EMC9: variants seen among roughly 807,000 people sequenced by gnomAD.
EMC9 encodes ER membrane protein complex subunit 9, also known as UPF0172 protein FAM158A.
EMC9 carries 20 observed loss-of-function variants against 25.0 expected under a neutral mutation model. The ratio of observed to expected loss-of-function variants is 0.80; its 90% CI spans 0.56 to 1.16. EMC9 has a LOEUF of 1.16. Among genes scored for constraint, EMC9 ranks in the 50% most tolerant of loss-of-function variants. The pLI, the probability that EMC9 is intolerant of heterozygous loss-of-function variation, is 0.00. For missense variants in EMC9, 256 were observed against 268.7 expected (o/e 0.95, Z 0.33); for synonymous variants, 100 against 107.0 (o/e 0.93, Z 0.40).
chr14:24,140,795 G>GCCCCCC, intron 3 of EMC9, 94 bp downstream of exon 3: 4 of 1,030,702 alleles, frequency 3.9e-6, no homozygotes, highest in Non-Finnish European at 5.9e-6. Context: ...GTGCGCCCCC[G>GCCCCCC]CCCCGCCCAC....
At position 24,139,508 on chromosome 14, in the gene EMC9, T is replaced by G; in HGVS notation, c.345+37A>C. 1 of 1,613,026 alleles carries G rather than the reference T, an allele frequency of 6.2e-7. No individual in the cohort carries two copies. ...GTTTCAAGGGTCCCCCCACCCTACT[T>G]GCTTTTCACCTCCCCACCCAGAAAC... On this transcript the variant is annotated intron_variant, in intron 4 of 5. Transcript: ENST00000216799. The surrounding 1 kb of genome is among the most constrained non-coding windows in gnomAD (Gnocchi z 4.6).
Position 24,139,379 on chromosome 14 carries a change from C to T in EMC9, c.421G>A (p.Val141Ile). 3 of 1,614,102 alleles carry T rather than the reference C, an allele frequency of 1.9e-6. No homozygotes were observed. The highest frequency in any genetic ancestry group is 2.5e-6 in the Non-Finnish European group (3 of 1,180,018). ...IVLENQGLRW[V>I]PKDKNLVMWR... ...ACTCACAAGTTCTTATCCTTAGGGA[C>T]CCAGCGGAGACCTTGGTTCTCCAGG... The change falls in exon 5 of 6, where the codon GTC becomes ATC. Residue 141 changes from valine to isoleucine, a missense_variant. By Grantham distance (29) the Val-to-Ile change is conservative. Coordinates refer to ENST00000216799, the MANE Select transcript of EMC9 (RefSeq NM_016049.4). The surrounding 1 kb of genome is among the most constrained non-coding windows in gnomAD (Gnocchi z 4.6).
In EMC9 at chr14:24,141,149, G is replaced by C; in HGVS notation, c.156C>G (p.Ser52Arg). 6.2e-7 allele frequency: 1 copy of C among 1,614,118 alleles called. No homozygotes were observed. The highest frequency in any genetic ancestry group is 8.5e-7 in the Non-Finnish European group (1 of 1,180,050). The part of the protein sequence containing the change: ...CLTDCVPLFH[S>R]HLALSVMLEV... ...CCAACATGACGGACAGGGCCAGGTGGCTGTGGAAGAGGGGCACACAGTCGG... is the reference window on the plus strand; with the variant it reads ...CCAACATGACGGACAGGGCCAGGTGCCTGTGGAAGAGGGGCACACAGTCGG... The change falls in exon 2 of 6, where the codon AGC (serine) becomes AGG (arginine). Residue 52 changes from serine (S) to arginine (R), a missense_variant. Transcript: ENST00000216799.
chr14:24,140,417 T>C (rs990112930), intron 3 of EMC9: 1 of 150,954 alleles, frequency 6.6e-6, no homozygotes, highest in Non-Finnish European at 1.5e-5. Flanking sequence ...AAATAAAAAA[T>C]AATAATAAAT....
At position 24,139,310 on chromosome 14, in the gene EMC9, C is replaced by T. The variant is rs184976129; in HGVS notation, c.440+50G>A. ...GGGGCAGGGCCAAGGACAGAGGAGA[C>T]CCAGGAGCCTTGGGCTTCTAAGAAG... On this transcript the variant is annotated intron_variant, in intron 5 of 5. Transcript: ENST00000216799. This position sits in a 1 kb window ranked among gnomAD's most constrained non-coding sequence, Gnocchi z 4.6. 1.4e-4 allele frequency: 219 copies of T among 1,604,980 alleles called. 1 individual carries two copies. The African/African-American group carries it at 2.5e-3, about 18-fold the overall frequency.
Position 24,141,133 on chromosome 14 carries a change from C to A in EMC9, c.172G>T (p.Val58Phe). ...TGGTTGAGGGCGACCTCCAACATGACGGACAGGGCCAGGTGGCTGTGGAAG... is the reference window on the plus strand; with the variant it reads ...TGGTTGAGGGCGACCTCCAACATGAAGGACAGGGCCAGGTGGCTGTGGAAG... ...PLFHSHLALS[V>F]MLEVALNQVD... Residue 58 changes from valine (V) to phenylalanine (F), a missense_variant, in exon 2 of 6, where the codon GTC (valine) becomes TTC (phenylalanine). Val to Phe is a conservative substitution (Grantham distance 50, BLOSUM62 -1). Transcript: ENST00000216799. 6.2e-7 allele frequency: 1 copy of A among 1,614,032 alleles called. No individual in the cohort carries two copies. Among genetic ancestry groups the A allele is most frequent in the Non-Finnish European group, 8.5e-7 (1 of 1,180,042 alleles).
intron 1 of EMC9, 24 bp from the exon 2 acceptor site, chr14:24,141,340 A>T: frequency 6.2e-7 from 1 of 1,610,692 alleles, no homozygotes; most frequent in Non-Finnish European, 8.5e-7. Context: ...AGCAAGCCGG[A>T]TTAGTACCGG....
chr14:24,141,378 T>C, intron 1 of EMC9, 60 bp downstream of exon 1: 1 of 1,490,274 alleles, frequency 6.7e-7, no homozygotes, highest in African/African-American at 1.4e-5. Context: ...CTAGCTCGCG[T>C]CCGTGAAGCT....
intron 3 of EMC9, 94 bp downstream of exon 3, chr14:24,140,795 G>GCCCCCCCC: frequency 1.9e-5 from 20 of 1,030,660 alleles, no homozygotes; most frequent in East Asian, 2.6e-5. Context: ...GTGCGCCCCC[G>GCCCCCCCC]CCCCGCCCAC....
Position 24,139,441 on chromosome 14 carries a change from TTC to T in EMC9, c.357_358del (p.Lys120ThrfsTer23). 1 of 1,614,158 alleles carries T rather than the reference TTC, an allele frequency of 6.2e-7. No individual in the cohort carries two copies. The highest frequency in any genetic ancestry group is 8.5e-7 in the Non-Finnish European group (1 of 1,180,020). On this transcript the variant is annotated frameshift_variant, in exon 5 of 6. Coordinates refer to ENST00000216799, the MANE Select transcript of EMC9 (RefSeq NM_016049.4). LOFTEE classifies it high-confidence loss of function. This position sits in a 1 kb window ranked among gnomAD's most constrained non-coding sequence, Gnocchi z 4.6. ...GGGCACACGAGGCTGAGGCACCAGT[TTC>T]TGATTATCCAACTGAGTGGACAAAG...
chr14:24,139,239 G>A lies in EMC9; in HGVS notation c.441-43C>T, dbSNP rs374570620. On this transcript the variant is annotated intron_variant, in intron 5 of 5. Coordinates refer to ENST00000216799, the MANE Select transcript of EMC9 (RefSeq NM_016049.4). The surrounding 1 kb of genome is among the most constrained non-coding windows in gnomAD (Gnocchi z 4.6). ...ATGGAGGTCAAACAGCAAGTAGTGGGTCCAGACACAGACTTAACAGAGATT... is the reference window on the plus strand; with the variant it reads ...ATGGAGGTCAAACAGCAAGTAGTGGATCCAGACACAGACTTAACAGAGATT... The A allele has an allele frequency of 6.2e-7, 1 of 1,609,332 alleles. No homozygotes were observed. Among genetic ancestry groups the A allele is most frequent in the African/African-American group, 1.3e-5 (1 of 74,832 alleles).
rs1427925390 is a variant in EMC9 at position 24,141,291 on chromosome 14, T to C, written c.14A>G (p.Glu5Gly). ...CTTCACGTAGGCCAGGGCCGAGATCTCCACCTCCCCCATGGCGAGCGAGGC... is the reference window on the plus strand; with the variant it reads ...CTTCACGTAGGCCAGGGCCGAGATCCCCACCTCCCCCATGGCGAGCGAGGC... MGEV[E>G]ISALAYVKMC... Residue 5 changes from glutamate to glycine, a missense_variant, in exon 2 of 6, where the codon GAG becomes GGG. Glu to Gly is a moderately conservative substitution (Grantham distance 98, BLOSUM62 -2). Transcript: ENST00000216799. 6.2e-7 allele frequency: 1 copy of C among 1,614,062 alleles called. No homozygotes were observed. Among genetic ancestry groups the C allele is most frequent in the Admixed American group, 1.7e-5 (1 of 60,028 alleles).
rs984658853 is a variant in EMC9, at chr14:24,139,454, A to G, written c.346T>C (p.Leu116=). Residue 116 remains leucine, a splice_region_variant and synonymous_variant, in exon 5 of 6, where the codon TTG becomes CTG. Transcript: ENST00000216799. This position sits in a 1 kb window ranked among gnomAD's most constrained non-coding sequence, Gnocchi z 4.6. Reference sequence around the variant, plus strand: ...TGAGGCACCAGTTTCTGATTATCCAACTGAGTGGACAAAGATGGGCAAGTG... The same window carrying G: ...TGAGGCACCAGTTTCTGATTATCCAGCTGAGTGGACAAAGATGGGCAAGTG... The part of the protein sequence containing the change: ...EFFPDAVLIM[L]DNQKLVPQPR... The G allele has an allele frequency of 6.2e-7, 1 of 1,614,100 alleles. No individual in the cohort carries two copies. The highest frequency in any genetic ancestry group is 8.5e-7 in the Non-Finnish European group (1 of 1,179,996).
At position 24,141,234 on chromosome 14, in the gene EMC9, G is replaced by A. The variant is rs2038053566; in HGVS notation, c.71C>T (p.Ala24Val). The change falls in exon 2 of 6, where the codon GCC (alanine) becomes GTC (valine). Residue 24 changes from alanine to valine, a missense_variant. Ala to Val is a moderately conservative substitution (Grantham distance 64, BLOSUM62 0). Transcript: ENST00000216799. Reference sequence around the variant, plus strand: ...CGCCAAAAACAGCCCGTTGACTGCGGCGTGTGGGTACCGGGCAGCATGCAG... The same window carrying A: ...CGCCAAAAACAGCCCGTTGACTGCGACGTGTGGGTACCGGGCAGCATGCAG... The part of the protein sequence containing the change: ...MCLHAARYPH[A>V]AVNGLFLAPA... 6.2e-7 allele frequency: 1 copy of A among 1,614,108 alleles called. No individual in the cohort carries two copies. The highest frequency in any genetic ancestry group is 8.5e-7 in the Non-Finnish European group (1 of 1,180,048).
rs978915531 is a variant in EMC9 at position 24,140,792 on chromosome 14, CCCGCCCCGCCCA to C, written c.275+85_275+96del. 4.9e-5 allele frequency: 66 copies of C among 1,342,386 alleles called. No homozygotes were observed. The African/African-American group carries it at 8.5e-4, about 17-fold the overall frequency. The allele number at this position is 1,342,386 out of a possible 1,614,324, so 83.2% of individuals were successfully genotyped here. A position where few individuals can be genotyped will look rare whatever the true frequency, so the allele number is the denominator to read the frequency against. On this transcript the variant is annotated intron_variant, in intron 3 of 5. Coordinates refer to ENST00000216799, the MANE Select transcript of EMC9 (RefSeq NM_016049.4). Reference sequence around the variant, plus strand: ...ACGACCTTGGTTCATCTTGTGCGCCCCCGCCCCGCCCACCGCCCCACGCATCCTCGCCCTCTA... The same window carrying C: ...ACGACCTTGGTTCATCTTGTGCGCCCCCGCCCCACGCATCCTCGCCCTCTA...
In EMC9 at chr14:24,139,274, G is replaced by GA; in HGVS notation, c.441-79dup. On this transcript the variant is annotated intron_variant, in intron 5 of 5. Transcript: ENST00000216799. This position sits in a 1 kb window ranked among gnomAD's most constrained non-coding sequence, Gnocchi z 4.6. ...AGACTTAACAGAGATTGGGTCTAGA[G>GA]AAAGACCCTTGGGGCAGGGCCAAGG... 6.3e-7 allele frequency: 1 copy of GA among 1,597,690 alleles called. No homozygotes were observed. The highest frequency in any genetic ancestry group is 8.6e-7 in the Non-Finnish European group (1 of 1,167,816).
In EMC9 at chr14:24,141,521, C is replaced by A; in HGVS notation, c.-96G>T. 4.9e-6 allele frequency: 3 copies of A among 614,762 alleles called. No individual in the cohort carries two copies. The highest frequency in any genetic ancestry group is 8.6e-6 in the Non-Finnish European group (3 of 347,298). The allele number at this position is 614,762 out of a possible 1,614,324, so 38.1% of individuals were successfully genotyped here. On this transcript the variant is annotated 5_prime_UTR_variant, in exon 1 of 6. Transcript: ENST00000216799. The stretch of plus-strand genomic sequence containing the variant: ...TGGGTCCCGGAGTCCGCCCCCGGCC[C>A]AGTCCAGGAGGAGGTCCCGATTGCA...
At chr14:24,141,044 G>A in intron 2 of EMC9, 63 bp downstream of exon 2, 1 of 1,613,282 alleles carries the variant, frequency 6.2e-7, no homozygotes, top group Non-Finnish European at 8.5e-7. Context: ...AGGGACCGGG[G>A]ATGAACTTGG....
At position 24,139,359 on chromosome 14, in the gene EMC9, C is replaced by A. The variant is rs1352250846; in HGVS notation, c.440+1G>T. ...AGAGGTAGAGGGAGTGGGGTACTCACAAGTTCTTATCCTTAGGGACCCAGC... is the reference window on the plus strand; with the variant it reads ...AGAGGTAGAGGGAGTGGGGTACTCAAAAGTTCTTATCCTTAGGGACCCAGC... On this transcript the variant is annotated splice_donor_variant, in intron 5 of 5. Transcript: ENST00000216799. LOFTEE classifies it high-confidence loss of function. The surrounding 1 kb of genome is among the most constrained non-coding windows in gnomAD (Gnocchi z 4.6). 1.2e-6 allele frequency: 2 copies of A among 1,614,018 alleles called. No individual in the cohort carries two copies. Among genetic ancestry groups the A allele is most frequent in the South Asian group, 2.2e-5 (2 of 91,074 alleles).
Sources: gnomAD v4.1 joint callset for allele counts on GRCh38, gnomAD v4.1.1 for gene constraint, Gnocchi (gnomAD v3.1) non-coding constraint, MANE v1.5 for transcripts, NCBI Gene and HGNC (gene_info 2026-07-23, HGNC 2026-07-21) for gene names.